The following SLC66A2 variants were observed in gnomAD, a reference collection of about 807,000 sequenced individuals.
SLC66A2 encodes PQ loop repeat containing 1.
Under a neutral mutation model 25.5 loss-of-function variants are expected in SLC66A2, and 23 were observed. The observed-to-expected ratio is 0.90, with a 90% CI of 0.65 to 1.28. The LOEUF (loss-of-function observed/expected upper bound fraction) is 1.28, where lower values mean the gene tolerates loss of function less well. Among genes scored for constraint, SLC66A2 ranks in the 50% most tolerant of loss-of-function variants. The pLI, the probability that SLC66A2 is intolerant of heterozygous loss-of-function variation, is 0.00. For missense variants in SLC66A2, 396 were observed against 373.1 expected (o/e 1.06, Z -0.51); for synonymous variants, 193 against 166.5 (o/e 1.16, Z -1.23).
At chr18:79,947,749 G>A (rs935382098) in intron 2 of SLC66A2, among the ~76,000 whole-genome samples, 1 of 151,650 alleles carries the variant, frequency 6.6e-6, no homozygotes, top group Non-Finnish European at 1.5e-5. Context: ...TTCTGCTAAA[G>A]CACAAATCCT....
chr18:79,905,436 G>A (rs967812044), intron 5 of SLC66A2, among the ~76,000 whole-genome samples: 48 of 133,550 alleles, frequency 3.6e-4, no homozygotes, highest in South Asian at 1.0e-3. Flanking sequence ...ACACACCCCA[G>A]CAGTCAGCCC....
intron 3 of SLC66A2, among the ~76,000 whole-genome samples, chr18:79,939,477 C>A (rs915191711): frequency 6.6e-6 from 1 of 152,148 alleles, no homozygotes; most frequent in Non-Finnish European, 1.5e-5. Flanking sequence ...AAAATTTTTG[C>A]AAACTACGCA....
chr18:79,943,349 G>T lies in SLC66A2; in HGVS notation c.317C>A (p.Ala106Asp). ...TEVRVANELN[A>D]RRRSFTAADS... ...CCAACCTGTAAAGGAGCGGCGCCTG[G>T]CGTTGAGCTCGTTGGCCACACGGAC... Residue 106 changes from alanine to aspartate, a missense_variant, in exon 3 of 6, where the codon GCC (alanine) becomes GAC (aspartate). By Grantham distance (126) the Ala-to-Asp change is moderately radical (BLOSUM62 -2). Transcript: ENST00000397778. 8 of 1,614,164 alleles carry T rather than the reference G, an allele frequency of 5.0e-6. No individual in the cohort carries two copies. The highest frequency in any genetic ancestry group is 6.8e-6 in the Non-Finnish European group (8 of 1,180,028).
chr18:79,919,001 C>T (rs180963171), intron 5 of SLC66A2, among the ~76,000 whole-genome samples, 183 bp downstream of exon 5: 2 of 152,392 alleles, frequency 1.3e-5, no homozygotes, highest in Admixed American at 1.3e-4. Context: ...CACACAAGCT[C>T]ATCTGCTCCA....
chr18:79,907,201 C>T lies in SLC66A2; in HGVS notation c.609-3018G>A, dbSNP rs1000915156. Reference sequence around the variant, plus strand: ...ATTATTGACAGGTTTGAATTTAGATCGACCATTTTAATTTTTTTTGGTCTC... The same window carrying T: ...ATTATTGACAGGTTTGAATTTAGATTGACCATTTTAATTTTTTTTGGTCTC... On this transcript the variant is annotated intron_variant, in intron 5 of 5. Transcript: ENST00000397778. Among the ~76,000 whole-genome samples, 11 of 152,118 alleles carry T rather than the reference C, an allele frequency of 7.2e-5. No individual in the cohort carries two copies. In the East Asian group the frequency reaches 7.7e-4, roughly 11 times the overall value.
rs1041639785 is a variant in SLC66A2 at position 79,950,955 on chromosome 18, C to G, written c.-29G>C. 2.0e-6 allele frequency: 3 copies of G among 1,479,910 alleles called. No homozygotes were observed. Among genetic ancestry groups the G allele is most frequent in the Non-Finnish European group, 2.7e-6 (3 of 1,112,174 alleles). 91.7% of individuals were successfully genotyped at this position (1,479,910 alleles called of 1,614,324 possible). On this transcript the variant is annotated 5_prime_UTR_variant, in exon 2 of 6. Transcript: ENST00000397778. Reference sequence around the variant, plus strand: ...AGCGCCCGCCTGGCCGAGGCTGTCACGGGCTCCGCGCCCCGCGGGCCACCG... The same window carrying G: ...AGCGCCCGCCTGGCCGAGGCTGTCAGGGGCTCCGCGCCCCGCGGGCCACCG...
At position 79,904,201 on chromosome 18, in the gene SLC66A2, G is replaced by A. The variant is rs752897738; in HGVS notation, c.609-18C>T. 2 of 1,611,164 alleles carry A rather than the reference G, an allele frequency of 1.2e-6. No individual in the cohort carries two copies. Among genetic ancestry groups the A allele is most frequent in the South Asian group, 1.1e-5 (1 of 91,008 alleles). ...TCTTGATGCTGTGGAGACACAAGCA[G>A]GCGGTCAGCGGTGGGGAGGGCGGCG... is the stretch of plus-strand genomic sequence containing the variant. On this transcript the variant is annotated intron_variant, in intron 5 of 5. Coordinates refer to ENST00000397778, the MANE Select transcript of SLC66A2 (RefSeq NM_025078.5). This position sits in a 1 kb window ranked among gnomAD's most constrained non-coding sequence, Gnocchi z 6.3.
intron 5 of SLC66A2, among the ~76,000 whole-genome samples, chr18:79,913,359 A>C (rs547654303): frequency 3.9e-5 from 6 of 152,366 alleles, no homozygotes; most frequent in African/African-American, 1.4e-4. Flanking sequence ...AATCCTTGTC[A>C]GGGAACAGTC....
chr18:79,916,152 C>T (rs12966076), intron 5 of SLC66A2, among the ~76,000 whole-genome samples: 8,485 of 36,444 alleles, frequency 0.23, 1,056 homozygotes, highest in Non-Finnish European at 0.35. Flanking sequence ...GTACCCGCGG[C>T]GCTCTCGTAC....
At chr18:79,935,042 A>G (rs1986939284) in intron 3 of SLC66A2, among the ~76,000 whole-genome samples, 1 of 149,682 alleles carries the variant, frequency 6.7e-6, no homozygotes, top group Non-Finnish European at 1.5e-5. Context: ...CTTGGATTCT[A>G]TGGGTCCCTC....
In SLC66A2 at chr18:79,941,307, G is replaced by A. The variant is rs931313782; in HGVS notation, c.337+2022C>T. ...CATCTCCTCTGCGGCCCTTGTTCAC[G>A]TCTGAGGACCCCTGAGATTAGGTTA... On this transcript the variant is annotated intron_variant, in intron 3 of 5. Coordinates refer to ENST00000397778, the MANE Select transcript of SLC66A2 (RefSeq NM_025078.5). The surrounding 1 kb of genome is among the most constrained non-coding windows in gnomAD (Gnocchi z 4.1). Among the ~76,000 whole-genome samples, 20 of 152,140 alleles carry A rather than the reference G, an allele frequency of 1.3e-4. No homozygotes were observed. Among genetic ancestry groups the A allele is most frequent in the African/African-American group, 3.6e-4 (15 of 41,424 alleles).
rs148749433 is a variant in SLC66A2, at chr18:79,935,103, G to A, written c.338-1081C>T. Among the ~76,000 whole-genome samples, 500 of 140,180 alleles carry A rather than the reference G, an allele frequency of 3.6e-3. 4 individuals carry two copies. The highest frequency in any genetic ancestry group is 0.012 in the African/African-American group (478 of 38,810). 92.0% of individuals were successfully genotyped at this position (140,180 alleles called of 152,430 possible). A position where few individuals can be genotyped will look rare whatever the true frequency, so the allele number is the denominator to read the frequency against. On this transcript the variant is annotated intron_variant, in intron 3 of 5. Transcript: ENST00000397778. ...TTAGACAACATCCCTCTCCACGGGC[G>A]CCTCTTCTAAAGACCAAGATCCTCA...
rs529376365 is a variant in SLC66A2 at position 79,927,377 on chromosome 18, A to C, written c.391+6592T>G. On this transcript the variant is annotated intron_variant, in intron 4 of 5. Transcript: ENST00000397778. This position sits in a 1 kb window ranked among gnomAD's most constrained non-coding sequence, Gnocchi z 6.2. ...GACCTGAGGGGCACAGGCTACAGTC[A>C]GGAGAGCACAGACAAGAGGCCCCCG... Among the ~76,000 whole-genome samples the C allele has an allele frequency of 6.6e-6, 1 of 151,746 alleles. No individual in the cohort carries two copies. Among genetic ancestry groups the C allele is most frequent in the Non-Finnish European group, 1.5e-5 (1 of 67,990 alleles).
At chr18:79,935,869 C>T (rs970977698) in intron 3 of SLC66A2, among the ~76,000 whole-genome samples, 1 of 152,172 alleles carries the variant, frequency 6.6e-6, no homozygotes. Flanking sequence ...TTGAGCCTCC[C>T]CAGATGCTCC....
intron 2 of SLC66A2, among the ~76,000 whole-genome samples, chr18:79,946,254 A>C (rs1469029794): frequency 6.6e-6 from 1 of 152,240 alleles, no homozygotes; most frequent in Non-Finnish European, 1.5e-5. Flanking sequence ...AAAAACACAA[A>C]ATTTCAAAAA....
intron 4 of SLC66A2, among the ~76,000 whole-genome samples, chr18:79,928,227 A>G (rs1168363580): frequency 6.6e-6 from 1 of 152,244 alleles, no homozygotes; most frequent in African/African-American, 2.4e-5. Flanking sequence ...GTTTTCCCCA[A>G]GTCACTTTAA....
intron 3 of SLC66A2, among the ~76,000 whole-genome samples, chr18:79,938,632 A>G (rs1412834614): frequency 2.6e-5 from 4 of 152,232 alleles, no homozygotes; most frequent in Non-Finnish European, 4.4e-5. Context: ...ACGAGGTTCA[A>G]AGTAGTCACC....
chr18:79,950,135 A>G (rs868498696), intron 2 of SLC66A2, among the ~76,000 whole-genome samples: 4 of 152,036 alleles, frequency 2.6e-5, no homozygotes, highest in Admixed American at 6.5e-5. Flanking sequence ...TGAGGCCAGG[A>G]GTTCGAGACC....
At chr18:79,942,862 C>T (rs768930450) in intron 3 of SLC66A2, among the ~76,000 whole-genome samples, 11 of 152,192 alleles carry the variant, frequency 7.2e-5, no homozygotes, top group African/African-American at 9.6e-5. Flanking sequence ...CCTGACCCTG[C>T]GGGGGGACTC....
Sources: gnomAD v4.1 joint callset for allele counts (sites outside exome capture counted in the v4.1 genomes callset) on GRCh38, gnomAD v4.1.1 for gene constraint, Gnocchi (gnomAD v3.1) non-coding constraint, MANE v1.5 for transcripts, NCBI Gene and HGNC (gene_info 2026-07-23, HGNC 2026-07-21) for gene names.